FGF18: variants seen among roughly 807,000 people sequenced by gnomAD.
FGF18 encodes the protein fibroblast growth factor 18.
In FGF18, 5 loss-of-function variants were observed where a neutral mutation model predicts 23.0. The observed-to-expected ratio is 0.22, with a 90% confidence interval of 0.11 to 0.46. The LOEUF (loss-of-function observed/expected upper bound fraction) is 0.46. Ranked by LOEUF, FGF18 falls within the 20% of genes least tolerant of loss-of-function variation. FGF18 has a pLI of 0.99. For missense variants in FGF18, 180 were observed against 291.6 expected, an observed-to-expected ratio of 0.62 and a Z score of 2.79; for synonymous variants, 117 against 118.9, an observed-to-expected ratio of 0.98 and a Z score of 0.10.
In FGF18 at chr5:171,445,334, G is replaced by T. The variant is rs566228872; in HGVS notation, c.251-3813G>T. On this transcript the variant is annotated intron_variant, in intron 3 of 4. Transcript: ENST00000274625. ...GGATCCCTAGGAGGTCTTTAGCAGAGAAGGGACACAACTAAATTTATATAT... is the reference window on the plus strand; with the variant it reads ...GGATCCCTAGGAGGTCTTTAGCAGATAAGGGACACAACTAAATTTATATAT... Among the ~76,000 whole-genome samples, 5 of 152,214 alleles carry T rather than the reference G, an allele frequency of 3.3e-5. No individual in the cohort carries two copies. The South Asian group carries it at 1.0e-3, about 32-fold the overall frequency.
chr5:171,429,364 G>A (rs1053038341), intron 2 of FGF18, among the ~76,000 whole-genome samples: 4 of 152,264 alleles, frequency 2.6e-5, no homozygotes, highest in Non-Finnish European at 4.4e-5. Context: ...GAGCGGACAT[G>A]GGCCCTGGCA....
Position 171,423,530 on chromosome 5 carries a change from C to T in FGF18, c.69+3087C>T, listed in dbSNP as rs75883019. The stretch of plus-strand genomic sequence containing the variant: ...GGCGGGGTGGGGGGGCATCCCCTGG[C>T]CTCTTGTCCCTCCTGCCAGCCCCTT... On this transcript the variant is annotated intron_variant, in intron 2 of 4. Coordinates refer to ENST00000274625, the MANE Select transcript of FGF18 (RefSeq NM_003862.3). Among the ~76,000 whole-genome samples the T allele has an allele frequency of 7.9e-5, 12 of 152,000 alleles. No homozygotes were observed. The East Asian group carries it at 9.7e-4, about 12-fold the overall frequency.
rs1193865646 is a variant in FGF18 at position 171,435,869 on chromosome 5, A to G, written c.70-224A>G. Among the ~76,000 whole-genome samples the G allele has an allele frequency of 2.6e-5, 4 of 152,024 alleles. 1 individual carries two copies. Among genetic ancestry groups the G allele is most frequent in the Non-Finnish European group, 4.4e-5 (3 of 67,992 alleles). On this transcript the variant is annotated intron_variant, in intron 2 of 4. Coordinates refer to ENST00000274625, the MANE Select transcript of FGF18 (RefSeq NM_003862.3). ...CCTAGGCCTGATTCTTAGCTTTGCC[A>G]CTTTCTGGCTGGGCCACCTTGGGCA...
At chr5:171,432,782 C>T (rs1367496977) in intron 2 of FGF18, among the ~76,000 whole-genome samples, 2 of 152,180 alleles carry the variant, frequency 1.3e-5, no homozygotes, top group South Asian at 2.1e-4. Context: ...TTAACACATC[C>T]CTCTGTGGGG....
At chr5:171,443,008 CT>C (rs1243878341) in intron 3 of FGF18, among the ~76,000 whole-genome samples, 1 of 152,222 alleles carries the variant, frequency 6.6e-6, no homozygotes, top group Non-Finnish European at 1.5e-5. Flanking sequence ...CTGTGAGACT[CT>C]GGTCAAGCAA....
At chr5:171,422,505 G>C (rs866966897) in intron 2 of FGF18, among the ~76,000 whole-genome samples, 1 of 152,214 alleles carries the variant, frequency 6.6e-6, no homozygotes, top group African/African-American at 2.4e-5. Context: ...GCTGTGTCTG[G>C]AAGAGGGTTG....
intron 2 of FGF18, among the ~76,000 whole-genome samples, chr5:171,424,517 G>A (rs1047104714): frequency 1.3e-5 from 2 of 152,220 alleles, no homozygotes; most frequent in African/African-American, 4.8e-5. Flanking sequence ...CCAAGATGCT[G>A]GATTCAAGAT....
Position 171,454,125 on chromosome 5 carries a change from G to A in FGF18, c.358-2414G>A, listed in dbSNP as rs1212954447. ...GGGGTTCAGAAGATGGAGTATGTGAGCCCATTAAGGCTTGACGCTTGAATG... is the reference window on the plus strand; with the variant it reads ...GGGGTTCAGAAGATGGAGTATGTGAACCCATTAAGGCTTGACGCTTGAATG... On this transcript the variant is annotated intron_variant, in intron 4 of 4. Transcript: ENST00000274625. 2.0e-5 allele frequency among the ~76,000 whole-genome samples: 3 copies of A among 152,134 alleles called. No individual in the cohort carries two copies. In the East Asian group the frequency reaches 5.8e-4, roughly 29 times the overall value.
rs138987318 is a variant in FGF18 at position 171,454,530 on chromosome 5, A to G, written c.358-2009A>G. Among the ~76,000 whole-genome samples, 134 of 152,260 alleles carry G rather than the reference A, an allele frequency of 8.8e-4. 2 individuals carry two copies. Among genetic ancestry groups the G allele is most frequent in the East Asian group, 6.0e-3 (31 of 5,168 alleles). On this transcript the variant is annotated intron_variant, in intron 4 of 4. Coordinates refer to ENST00000274625, the MANE Select transcript of FGF18 (RefSeq NM_003862.3). The stretch of plus-strand genomic sequence containing the variant: ...CCACGTGTGTGTCCCAGGTCTGCCC[A>G]TGCCTGTTCTGCAGCCTCCTCGAAA...
At chr5:171,430,900 CTG>C (rs1185771139) in intron 2 of FGF18, among the ~76,000 whole-genome samples, 2 of 150,916 alleles carry the variant, frequency 1.3e-5, no homozygotes, top group Non-Finnish European at 2.9e-5. Context: ...GATGGGAAAA[CTG>C]AGAGCTAAAG....
intron 2 of FGF18, among the ~76,000 whole-genome samples, chr5:171,427,736 C>G (rs553549487): frequency 6.6e-6 from 1 of 152,182 alleles, no homozygotes; most frequent in Non-Finnish European, 1.5e-5. Context: ...AGAAGGTATC[C>G]AAGGCTTTTC....
Position 171,420,190 on chromosome 5 carries a change from C to T in FGF18, c.-10C>T, listed in dbSNP as rs774967669. On this transcript the variant is annotated 5_prime_UTR_variant, in exon 1 of 5. Coordinates refer to ENST00000274625, the MANE Select transcript of FGF18 (RefSeq NM_003862.3). Reference sequence around the variant, plus strand: ...TGGGCTAGGAGCCGCCGCCTCCCTCCCGCCCAGCGATGTATTCAGCGCCCT... The same window carrying T: ...TGGGCTAGGAGCCGCCGCCTCCCTCTCGCCCAGCGATGTATTCAGCGCCCT... The T allele has an allele frequency of 1.9e-6, 3 of 1,542,558 alleles. No homozygotes were observed. The highest frequency in any genetic ancestry group is 3.9e-5 in the Admixed American group (2 of 51,262).
At chr5:171,450,731 C>T (rs913207882) in intron 4 of FGF18, among the ~76,000 whole-genome samples, 11 of 152,022 alleles carry the variant, frequency 7.2e-5, no homozygotes, top group Non-Finnish European at 1.5e-4. Context: ...GGGCCGGGGC[C>T]GGGGCCACGG....
At chr5:171,443,651 G>A (rs944246626) in intron 3 of FGF18, among the ~76,000 whole-genome samples, 1 of 151,892 alleles carries the variant, frequency 6.6e-6, no homozygotes, top group African/African-American at 2.4e-5. Context: ...CGCCTGGCCT[G>A]TTATCATCAT....
chr5:171,435,352 G>A (rs1772231258), intron 2 of FGF18, among the ~76,000 whole-genome samples: 1 of 152,210 alleles, frequency 6.6e-6, no homozygotes, highest in African/African-American at 2.4e-5. Flanking sequence ...CCAATGAGAA[G>A]GGAAGGAAGA....
intron 2 of FGF18, among the ~76,000 whole-genome samples, chr5:171,424,781 G>C (rs975234051): frequency 5.9e-5 from 9 of 151,490 alleles, no homozygotes; most frequent in Admixed American, 3.9e-4. Context: ...CAGAGTTAGA[G>C]GGGGGTACTT....
chr5:171,429,129 G>C (rs928047599), intron 2 of FGF18, among the ~76,000 whole-genome samples: 1 of 152,194 alleles, frequency 6.6e-6, no homozygotes, highest in Non-Finnish European at 1.5e-5. Flanking sequence ...GGTTGAGGAG[G>C]TGGGGGCACC....
rs1772251181 is a variant in FGF18 at position 171,436,673 on chromosome 5, A to G, written c.250+400A>G. Among the ~76,000 whole-genome samples, 1 of 152,176 alleles carries G rather than the reference A, an allele frequency of 6.6e-6. No homozygotes were observed. The highest frequency in any genetic ancestry group is 2.1e-4 in the South Asian group (1 of 4,828). On this transcript the variant is annotated intron_variant, in intron 3 of 4. Coordinates refer to ENST00000274625, the MANE Select transcript of FGF18 (RefSeq NM_003862.3). The surrounding 1 kb of genome is among the most constrained non-coding windows in gnomAD (Gnocchi z 4.4). ...TAGGAAGCTGCTGGTGGTGAAAATC[A>G]GCCTAGTGTGTGTGTTATGTGCGCG...
intron 3 of FGF18, among the ~76,000 whole-genome samples, chr5:171,445,534 G>GTT (rs140690032): frequency 3.1e-4 from 45 of 146,640 alleles, no homozygotes; most frequent in East Asian, 8.0e-4. Context: ...AATTTTTGTG[G>GTT]TTTTTTTTTT....
Sources: gnomAD v4.1 joint callset for allele counts (sites outside exome capture counted in the v4.1 genomes callset) on GRCh38, gnomAD v4.1.1 for gene constraint, Gnocchi (gnomAD v3.1) non-coding constraint, MANE v1.5 for transcripts, NCBI Gene and HGNC (gene_info 2026-07-23, HGNC 2026-07-21) for gene names.